Variants in GPR160 observed in about 807,000 individuals in gnomAD.
The protein encoded by GPR160 is G protein-coupled receptor 160, also known as probable G protein-coupled receptor 160.
GPR160 carries 2 observed loss-of-function variants against 2.6 expected under a neutral mutation model. That is an observed-to-expected ratio of 0.77 (90% CI 0.32 to 2.44). The LOEUF (loss-of-function observed/expected upper bound fraction) is 2.44. Ranked by LOEUF, GPR160 falls within the 30% of genes most tolerant of loss-of-function variation. The probability of loss-of-function intolerance (pLI) is 0.11; values close to 1 mark genes in which losing one functional copy is unlikely to be tolerated. For synonymous variants in GPR160, 130 were observed against 132.2 expected (o/e 0.98, Z 0.12); for missense variants, 351 against 383.6 (o/e 0.91, Z 0.71).
At chr3:170,071,949 A>G (rs926839218) in intron 2 of GPR160, among the ~76,000 whole-genome samples, 8 of 151,658 alleles carry the variant, frequency 5.3e-5, no homozygotes, top group Non-Finnish European at 8.8e-5. Flanking sequence ...GCTGAGAAGT[A>G]TTCCATTGCC....
rs1433082392 is a variant in GPR160 at position 170,084,844 on chromosome 3, T to C, written c.872T>C (p.Val291Ala). 7 of 1,610,202 alleles carry C rather than the reference T, an allele frequency of 4.3e-6. No homozygotes were observed. The Admixed American group carries it at 1.2e-4, about 27-fold the overall frequency. Residue 291 changes from valine (V) to alanine (A), a missense_variant, in exon 4 of 4, where the codon GTG becomes GCG. Coordinates refer to ENST00000355897, the MANE Select transcript of GPR160 (RefSeq NM_014373.3). ...GTCAATAGTTTTCTCATTGCTACAG[T>C]GTATTGGTTTAATTGTCACAAGCTT... ...YFVNSFLIAT[V>A]YWFNCHKLNL... is the part of the protein sequence containing the mutation.
intron 2 of GPR160, among the ~76,000 whole-genome samples, chr3:170,047,735 C>A (rs112235728): frequency 7.1e-6 from 1 of 139,940 alleles, no homozygotes; most frequent in Non-Finnish European, 1.5e-5. Context: ...ATACACATCA[C>A]ATATACACAT....
In GPR160 at chr3:170,084,234, A is replaced by T; in HGVS notation, c.262A>T (p.Arg88Trp). ...CAGGGATTTTGTACTTTTAAGCATT[A>T]GGTTCACTAAATACCACATCTGCCT... ...YFRDFVLLSI[R>W]FTKYHICLFT... Residue 88 changes from arginine (R) to tryptophan (W), a missense_variant, in exon 4 of 4, where the codon AGG becomes TGG. Arg to Trp is a moderately radical substitution (Grantham distance 101). Coordinates refer to ENST00000355897, the MANE Select transcript of GPR160 (RefSeq NM_014373.3). The T allele has an allele frequency of 6.2e-7, 1 of 1,605,886 alleles. No homozygotes were observed.
In GPR160 at chr3:170,084,679, C is replaced by A; in HGVS notation, c.707C>A (p.Ser236Tyr). 1.9e-6 allele frequency: 3 copies of A among 1,611,278 alleles called. No homozygotes were observed. The highest frequency in any genetic ancestry group is 4.5e-5 in the East Asian group (2 of 44,838). ...FSSHSSYTVR[S>Y]KKIFLSKLIV... ...TCCCACTCCAGTTATACTGTGAGATCTAAAAAAATATTCTTATCCAAGCTC... is the reference window on the plus strand; with the variant it reads ...TCCCACTCCAGTTATACTGTGAGATATAAAAAAATATTCTTATCCAAGCTC... Residue 236 changes from serine (S) to tyrosine (Y), a missense_variant, in exon 4 of 4, where the codon TCT becomes TAT. By Grantham distance (144) the Ser-to-Tyr change is moderately radical (BLOSUM62 -2). Transcript: ENST00000355897.
intron 2 of GPR160, among the ~76,000 whole-genome samples, chr3:170,061,438 C>T (rs1559986554): frequency 1.3e-5 from 2 of 151,798 alleles, no homozygotes; most frequent in East Asian, 3.9e-4. Context: ...GTATTAGATA[C>T]TATACCATTT....
rs77239191 is a variant in GPR160 at position 170,055,369 on chromosome 3, T to C, written c.-193+16326T>C. Among the ~76,000 whole-genome samples, 7 of 152,268 alleles carry C rather than the reference T, an allele frequency of 4.6e-5. No individual in the cohort carries two copies. The East Asian group carries it at 1.2e-3, about 25-fold the overall frequency. On this transcript the variant is annotated intron_variant, in intron 2 of 3. Coordinates refer to ENST00000355897, the MANE Select transcript of GPR160 (RefSeq NM_014373.3). ...TTGTTCTGGTTCAGTTTCTCAGCAA[T>C]GATGAATAACCGTGGTTTCAGAAAC...
At chr3:170,042,444 A>G (rs1479397913) in intron 2 of GPR160, among the ~76,000 whole-genome samples, 1 of 151,070 alleles carries the variant, frequency 6.6e-6, no homozygotes, top group Admixed American at 6.6e-5. Context: ...AAAGAAAGAA[A>G]GAAATCTAAA....
rs139945357 is a variant in GPR160 at position 170,055,657 on chromosome 3, C to T, written c.-193+16614C>T. 6.5e-4 allele frequency among the ~76,000 whole-genome samples: 98 copies of T among 151,270 alleles called. 1 individual carries two copies. The highest frequency in any genetic ancestry group is 2.3e-3 in the African/African-American group (93 of 41,192). ...TTAAAAACTTTTTTTTTTTTTGAGACGGAGTCTCGCTCTGTCCCCCAGGCT... is the reference window on the plus strand; with the variant it reads ...TTAAAAACTTTTTTTTTTTTTGAGATGGAGTCTCGCTCTGTCCCCCAGGCT... On this transcript the variant is annotated intron_variant, in intron 2 of 3. Coordinates refer to ENST00000355897, the MANE Select transcript of GPR160 (RefSeq NM_014373.3).
chr3:170,048,531 G>A (rs1716827890), intron 2 of GPR160, among the ~76,000 whole-genome samples: 1 of 133,758 alleles, frequency 7.5e-6, no homozygotes, highest in South Asian at 2.1e-4. Context: ...AGAGAACTAA[G>A]TTGTTGCTCA....
At chr3:170,062,422 A>G (rs1712010626) in intron 2 of GPR160, 2 of 455,560 alleles carry the variant, frequency 4.4e-6, no homozygotes, top group Admixed American at 6.7e-5. Context: ...ATGCTCTGGA[A>G]TGTGTTCCAG....
chr3:170,072,822 A>C (rs1196243683), intron 2 of GPR160, among the ~76,000 whole-genome samples: 1 of 152,194 alleles, frequency 6.6e-6, no homozygotes, highest in Non-Finnish European at 1.5e-5. Context: ...ATTGGAGATC[A>C]CATTTCAACA....
intron 2 of GPR160, among the ~76,000 whole-genome samples, chr3:170,079,071 G>C (rs1293187810): frequency 6.6e-6 from 1 of 152,212 alleles, no homozygotes; most frequent in Non-Finnish European, 1.5e-5. Context: ...CTCCCTGAAA[G>C]GGGGGACAGT....
intron 2 of GPR160, among the ~76,000 whole-genome samples, chr3:170,040,513 A>G (rs1198488726): frequency 6.6e-6 from 1 of 152,198 alleles, no homozygotes; most frequent in Non-Finnish European, 1.5e-5. Context: ...GATCAAGTTG[A>G]TGCAGGTGGA....
intron 3 of GPR160, among the ~76,000 whole-genome samples, chr3:170,080,425 C>T (rs187358473): frequency 1.3e-5 from 2 of 152,266 alleles, no homozygotes; most frequent in Admixed American, 1.3e-4. Flanking sequence ...CTGTCTTCCC[C>T]GCTCTTATTT....
chr3:170,061,296 A>G (rs963899454), intron 2 of GPR160, among the ~76,000 whole-genome samples: 3 of 151,630 alleles, frequency 2.0e-5, no homozygotes, highest in African/African-American at 7.3e-5. Context: ...AAAGAAAGAT[A>G]AAAAACAACA....
chr3:170,054,445 G>A (rs1711533681), intron 2 of GPR160, among the ~76,000 whole-genome samples: 1 of 152,126 alleles, frequency 6.6e-6, no homozygotes, highest in Non-Finnish European at 1.5e-5. Context: ...GAGCTGCTCA[G>A]GTCAAATCAT....
chr3:170,065,128 T>C (rs1322731693), intron 2 of GPR160, among the ~76,000 whole-genome samples: 2 of 152,330 alleles, frequency 1.3e-5, no homozygotes, highest in East Asian at 3.9e-4. Context: ...TTATTTGTCA[T>C]CATAAAGTTG....
intron 2 of GPR160, among the ~76,000 whole-genome samples, chr3:170,065,498 A>T (rs1354989460): frequency 6.6e-6 from 1 of 152,124 alleles, no homozygotes; most frequent in Non-Finnish European, 1.5e-5. Context: ...AATGCATCCC[A>T]TTTCCTGGAC....
intron 2 of GPR160, among the ~76,000 whole-genome samples, chr3:170,050,249 T>G (rs532526219): frequency 1.5e-4 from 22 of 150,970 alleles, no homozygotes; most frequent in Middle Eastern, 3.4e-3. Context: ...TCTTTTTTTT[T>G]TTGTTGTTGT....
Sources: gnomAD v4.1 joint callset for allele counts (sites outside exome capture counted in the v4.1 genomes callset) on GRCh38, gnomAD v4.1.1 for gene constraint, MANE v1.5 for transcripts, NCBI Gene and HGNC (gene_info 2026-07-23, HGNC 2026-07-21) for gene names.